ROBO2: variants seen among roughly 807,000 people sequenced by gnomAD.
ROBO2 encodes roundabout homolog 2.
Under a neutral mutation model 160.8 loss-of-function variants are expected in ROBO2, and 53 were observed. The ratio of observed to expected loss-of-function variants is 0.33; its 90% CI spans 0.26 to 0.41. The LOEUF (loss-of-function observed/expected upper bound fraction) is 0.41. ROBO2 is among the 10% of genes least tolerant of loss of function. The pLI, the probability that ROBO2 is intolerant of heterozygous loss-of-function variation, is 1.00. For synonymous variants in ROBO2, 664 were observed against 611.7 expected (o/e 1.09, Z -1.26); for missense variants, 1,577 against 1,722.4 (o/e 0.92, Z 1.49).
chr3:76,149,023 C>G (rs1351457668), intron 2 of ROBO2, among the ~76,000 whole-genome samples: 2 of 152,070 alleles, frequency 1.3e-5, no homozygotes, highest in Admixed American at 1.3e-4. Flanking sequence ...ACTCTTGATT[C>G]CCTGTCCCCT....
intron 2 of ROBO2, among the ~76,000 whole-genome samples, chr3:76,272,960 A>G (rs1356350896): frequency 1.9e-5 from 1 of 52,270 alleles, no homozygotes; most frequent in Non-Finnish European, 3.4e-5. Context: ...TATAATATAT[A>G]TTTATATATA....
At chr3:76,372,482 A>G (rs995392996) in intron 2 of ROBO2, among the ~76,000 whole-genome samples, 1 of 151,934 alleles carries the variant, frequency 6.6e-6, no homozygotes, top group African/African-American at 2.4e-5. Context: ...TTTATATGGT[A>G]AAATATTTGA....
At chr3:77,589,479 ACT>A (rs2094131681) in intron 17 of ROBO2, among the ~76,000 whole-genome samples, 1 of 152,100 alleles carries the variant, frequency 6.6e-6, no homozygotes, top group Admixed American at 6.6e-5. Flanking sequence ...ACTTAAATAG[ACT>A]CTTATTACAA....
intron 2 of ROBO2, among the ~76,000 whole-genome samples, chr3:77,212,959 C>T (rs2084389903): frequency 6.6e-6 from 1 of 152,174 alleles, no homozygotes; most frequent in Non-Finnish European, 1.5e-5. Flanking sequence ...TTTTGATGTG[C>T]TGCTGGATTC....
chr3:76,884,542 G>A (rs1425569549), intron 2 of ROBO2, among the ~76,000 whole-genome samples: 1 of 152,106 alleles, frequency 6.6e-6, no homozygotes, highest in Non-Finnish European at 1.5e-5. Context: ...AATTCACCAG[G>A]CAAGCGTCCC....
At chr3:76,815,652 T>A (rs1325518695) in intron 2 of ROBO2, among the ~76,000 whole-genome samples, 1 of 138,236 alleles carries the variant, frequency 7.2e-6, no homozygotes, top group African/African-American at 2.7e-5. Flanking sequence ...TGGCCTATCT[T>A]CTGGGTAAAT....
intron 2 of ROBO2, among the ~76,000 whole-genome samples, chr3:76,030,742 C>A (rs532783161): frequency 9.2e-5 from 14 of 152,194 alleles, no homozygotes; most frequent in South Asian, 4.1e-4. Flanking sequence ...GTTTTGGTAC[C>A]AGTACCATGC....
At chr3:76,771,252 T>C (rs2061889144) in intron 2 of ROBO2, among the ~76,000 whole-genome samples, 1 of 151,268 alleles carries the variant, frequency 6.6e-6, no homozygotes, top group Admixed American at 6.6e-5. Flanking sequence ...ATGATCTTCT[T>C]ACATTGATTA....
intron 1 of ROBO2, among the ~76,000 whole-genome samples, chr3:77,046,367 G>A (rs1157485912): frequency 1.3e-5 from 2 of 152,160 alleles, no homozygotes; most frequent in Non-Finnish European, 2.9e-5. Context: ...CCCTTCAGTG[G>A]TTGTTGTCTT....
intron 2 of ROBO2, among the ~76,000 whole-genome samples, chr3:76,542,924 AT>A (rs1459483691): frequency 3.3e-5 from 5 of 152,290 alleles, no homozygotes; most frequent in Non-Finnish European, 5.9e-5. Context: ...TTAACAAGTC[AT>A]TAAATCCATT....
At chr3:77,208,118 A>G (rs2083655025) in intron 2 of ROBO2, among the ~76,000 whole-genome samples, 1 of 152,180 alleles carries the variant, frequency 6.6e-6, no homozygotes, top group African/African-American at 2.4e-5. Flanking sequence ...ATTCTAAACC[A>G]TTTGACAAGC....
intron 2 of ROBO2, among the ~76,000 whole-genome samples, chr3:76,166,864 T>C (rs2072859399): frequency 6.6e-6 from 1 of 152,216 alleles, no homozygotes; most frequent in Non-Finnish European, 1.5e-5. Context: ...AGCTTTAAGT[T>C]GGCCTGACAT....
chr3:76,386,764 A>G (rs190925836), intron 2 of ROBO2, among the ~76,000 whole-genome samples: 101 of 152,256 alleles, frequency 6.6e-4, no homozygotes, highest in African/African-American at 2.3e-3. Context: ...GAAGTGGCGT[A>G]TACTATCACT....
chr3:77,599,054 A>C (rs1055156574), intron 19 of ROBO2, among the ~76,000 whole-genome samples: 1 of 152,060 alleles, frequency 6.6e-6, no homozygotes, highest in Admixed American at 6.6e-5. Flanking sequence ...TTTTTCTTCC[A>C]TTTTCCCTTA....
intron 2 of ROBO2, among the ~76,000 whole-genome samples, chr3:76,570,823 TAAGA>T (rs2084911711): frequency 1.3e-5 from 2 of 152,114 alleles, no homozygotes; most frequent in South Asian, 4.1e-4. Flanking sequence ...GCTCCTCAAA[TAAGA>T]AAGAAAATAT....
chr3:76,988,248 T>G (rs536929950), intron 2 of ROBO2, among the ~76,000 whole-genome samples: 1 of 152,294 alleles, frequency 6.6e-6, no homozygotes, highest in African/African-American at 2.4e-5. Context: ...CTGTAAATCA[T>G]GTCTTCCCAG....
rs910737001 is a variant in ROBO2 at position 77,113,262 on chromosome 3, G to A, written c.388+14922G>A. 3.9e-5 allele frequency among the ~76,000 whole-genome samples: 6 copies of A among 152,158 alleles called. No individual in the cohort carries two copies. In the South Asian group the frequency reaches 1.2e-3, roughly 32 times the overall value. ...TGATTTATTTTTATTTTCTTCCTGG[G>A]TCTGCTTTGAATATTCTTAAAAGAA... On this transcript the variant is annotated intron_variant, in intron 2 of 25. Coordinates refer to ENST00000461745, the Ensembl canonical transcript of ROBO2.
intron 2 of ROBO2, among the ~76,000 whole-genome samples, chr3:77,340,512 T>G (rs550960994): frequency 6.6e-6 from 1 of 152,128 alleles, no homozygotes; most frequent in African/African-American, 2.4e-5. Context: ...GTTTGCACTG[T>G]TGAATTTTCT....
intron 2 of ROBO2, among the ~76,000 whole-genome samples, chr3:76,091,074 A>G (rs1030796757): frequency 6.6e-6 from 1 of 152,192 alleles, no homozygotes; most frequent in Non-Finnish European, 1.5e-5. Flanking sequence ...GGCATGATCT[A>G]TGAAGAAAAT....
Sources: gnomAD v4.1 joint callset for allele counts (sites outside exome capture counted in the v4.1 genomes callset) on GRCh38, gnomAD v4.1.1 for gene constraint, MANE v1.5 for transcripts, NCBI Gene and HGNC (gene_info 2026-07-23, HGNC 2026-07-21) for gene names.